The following ELMO1 variants were observed in gnomAD, a reference collection of about 807,000 sequenced individuals.
The protein encoded by ELMO1 is engulfment and cell motility 1.
Under a neutral mutation model 98.9 loss-of-function variants are expected in ELMO1, and 26 were observed. The observed-to-expected ratio is 0.26, with a 90% CI of 0.19 to 0.36. The LOEUF is 0.36. ELMO1 is among the 10% of genes least tolerant of loss of function. The pLI is 1.00. For synonymous variants in ELMO1, 346 were observed against 346.0 expected (o/e 1.00, Z 0.00); for missense variants, 627 against 935.2 (o/e 0.67, Z 4.30).
intron 15 of ELMO1, among the ~76,000 whole-genome samples, chr7:37,017,915 G>A (rs561412073): frequency 1.5e-3 from 230 of 152,312 alleles, no homozygotes; most frequent in African/African-American, 5.3e-3. Context: ...AGGATAGAGA[G>A]TGAGACAGAC....
At chr7:37,109,535 T>A (rs2129274939) in intron 14 of ELMO1, among the ~76,000 whole-genome samples, 1 of 152,086 alleles carries the variant, frequency 6.6e-6, no homozygotes, top group Non-Finnish European at 1.5e-5. Flanking sequence ...CCTCCCCAGA[T>A]AAGGCCCAGG....
intron 20 of ELMO1, among the ~76,000 whole-genome samples, chr7:36,868,367 CAG>C (rs1584274917): frequency 7.1e-6 from 1 of 140,214 alleles, no homozygotes; most frequent in East Asian, 2.1e-4. Flanking sequence ...TTTTTTGAGA[CAG>C]AGTTTCACTC....
In ELMO1 at chr7:37,123,421, T is replaced by A. The variant is rs559020526; in HGVS notation, c.1191+9709A>T. Among the ~76,000 whole-genome samples, 49 of 151,632 alleles carry A rather than the reference T, an allele frequency of 3.2e-4. No individual in the cohort carries two copies. The East Asian group carries it at 7.2e-3, about 22-fold the overall frequency. On this transcript the variant is annotated intron_variant, in intron 14 of 21. Coordinates refer to ENST00000310758, the MANE Select transcript of ELMO1 (RefSeq NM_014800.11). The stretch of plus-strand genomic sequence containing the variant: ...TAATAAAGAAGAAAAGAGAGAAGAA[T>A]CAAATAGACGCAATAAAAAATGATA...
intron 14 of ELMO1, among the ~76,000 whole-genome samples, chr7:37,101,287 G>T (rs990468387): frequency 1.3e-5 from 2 of 152,118 alleles, no homozygotes; most frequent in Non-Finnish European, 2.9e-5. Context: ...GGGCTCTCCC[G>T]CAGGAATGCA....
At chr7:36,910,510 T>C (rs55918506) in intron 16 of ELMO1, among the ~76,000 whole-genome samples, 12,459 of 152,204 alleles carry the variant, frequency 0.082, 695 homozygotes, top group Middle Eastern at 0.14. Flanking sequence ...AGACAACTGC[T>C]CAAGATCAGT....
chr7:37,087,944 C>T (rs114064114), intron 15 of ELMO1, among the ~76,000 whole-genome samples: 1 of 152,070 alleles, frequency 6.6e-6, no homozygotes, highest in African/African-American at 2.4e-5. Context: ...GAAGATGAGG[C>T]GAGGAATCAG....
At chr7:37,371,747 G>C (rs1802123282) in intron 1 of ELMO1, among the ~76,000 whole-genome samples, 1 of 152,150 alleles carries the variant, frequency 6.6e-6, no homozygotes, top group Non-Finnish European at 1.5e-5. Flanking sequence ...AGACTCTCCT[G>C]GTTCTCCTAA....
At chr7:37,374,656 C>T (rs1453583728) in intron 1 of ELMO1, among the ~76,000 whole-genome samples, 1 of 152,134 alleles carries the variant, frequency 6.6e-6, no homozygotes, top group Non-Finnish European at 1.5e-5. Flanking sequence ...GAGGCTGAGG[C>T]AGGAGAATCA....
chr7:37,229,821 A>C (rs953400507), intron 8 of ELMO1, among the ~76,000 whole-genome samples: 2 of 152,264 alleles, frequency 1.3e-5, no homozygotes, highest in African/African-American at 4.8e-5. Context: ...AAATAGATTA[A>C]ATGTGCTGCT....
At chr7:37,168,462 G>T (rs1336562330) in intron 13 of ELMO1, among the ~76,000 whole-genome samples, 1 of 152,074 alleles carries the variant, frequency 6.6e-6, no homozygotes, top group Non-Finnish European at 1.5e-5. Flanking sequence ...CCCCATCTTT[G>T]TGGTTTTATC....
chr7:37,342,738 G>A lies in ELMO1; in HGVS notation c.-48C>T, dbSNP rs1800785535. The A allele has an allele frequency of 6.5e-7, 1 of 1,527,868 alleles. No homozygotes were observed. Among genetic ancestry groups the A allele is most frequent in the Non-Finnish European group, 8.9e-7 (1 of 1,120,356 alleles). 94.6% of individuals were successfully genotyped at this position (1,527,868 alleles called of 1,614,324 possible). A position where few individuals can be genotyped will look rare whatever the true frequency, so the allele number is the denominator to read the frequency against. ...AGCCAGTGGGAATGAGGATCCTACA[G>A]CGTAAACGGCCACACGTGTCTATAC... On this transcript the variant is annotated 5_prime_UTR_variant, in exon 2 of 22. Coordinates refer to ENST00000310758, the MANE Select transcript of ELMO1 (RefSeq NM_014800.11). This position sits in a 1 kb window ranked among gnomAD's most constrained non-coding sequence, Gnocchi z 4.3.
intron 14 of ELMO1, among the ~76,000 whole-genome samples, chr7:37,110,399 C>A: frequency 6.6e-6 from 1 of 152,146 alleles, no homozygotes. Flanking sequence ...CTGACTGGAG[C>A]TAATGACAAA....
chr7:37,045,042 A>G (rs1795723940), intron 15 of ELMO1, among the ~76,000 whole-genome samples: 1 of 152,214 alleles, frequency 6.6e-6, no homozygotes, highest in African/African-American at 2.4e-5. Flanking sequence ...TGAATGCTTT[A>G]CTAGCATCGT....
intron 15 of ELMO1, among the ~76,000 whole-genome samples, chr7:37,040,036 T>TTGTGTGTATGTGTG (rs1011515793): frequency 2.0e-5 from 3 of 152,076 alleles, no homozygotes; most frequent in African/African-American, 7.2e-5. Flanking sequence ...ATGTTTGTGT[T>TTGTGTGTATGTGTG]TGTGTGTATG....
chr7:37,060,742 T>C (rs559304360), intron 15 of ELMO1, among the ~76,000 whole-genome samples: 1 of 152,178 alleles, frequency 6.6e-6, no homozygotes, highest in Non-Finnish European at 1.5e-5. Flanking sequence ...GCCCATAAAA[T>C]ATTAGGTCAT....
chr7:37,042,323 G>A lies in ELMO1; in HGVS notation c.1301-28888C>T, dbSNP rs199618464. On this transcript the variant is annotated intron_variant, in intron 15 of 21. Transcript: ENST00000310758. ...CTGTAAAGGAATATTCAGAGCCATG[G>A]TTTTTTTTTAAACCCAGTTTGTATG... 3.3e-5 allele frequency among the ~76,000 whole-genome samples: 5 copies of A among 151,390 alleles called. No homozygotes were observed. In the East Asian group the frequency reaches 7.7e-4, roughly 23 times the overall value.
chr7:37,039,451 C>G (rs762892951), intron 15 of ELMO1, among the ~76,000 whole-genome samples: 1 of 152,204 alleles, frequency 6.6e-6, no homozygotes, highest in Non-Finnish European at 1.5e-5. Context: ...TTGTTCCTTT[C>G]CCCACAAAAC....
chr7:37,320,907 G>A (rs1296350302), intron 2 of ELMO1, among the ~76,000 whole-genome samples: 1 of 152,186 alleles, frequency 6.6e-6, no homozygotes, highest in East Asian at 1.9e-4. Flanking sequence ...CTGGGTGACT[G>A]TGAGCAGCCG....
chr7:37,063,021 G>T (rs539597755), intron 15 of ELMO1, among the ~76,000 whole-genome samples: 3 of 152,312 alleles, frequency 2.0e-5, no homozygotes, highest in Non-Finnish European at 4.4e-5. Flanking sequence ...ACACATGCAG[G>T]CCCAGGATGA....
Sources: allele counts gnomAD v4.1 joint callset (sites outside exome capture counted in the v4.1 genomes callset), GRCh38; gene constraint gnomAD v4.1.1; non-coding constraint Gnocchi (gnomAD v3.1); transcripts MANE v1.5; gene names NCBI Gene and HGNC (gene_info 2026-07-23, HGNC 2026-07-21).